Variants in PIK3C2G observed in about 807,000 individuals in gnomAD.
PIK3C2G encodes phosphatidylinositol 3-kinase C2 domain-containing subunit gamma.
PIK3C2G carries 168 observed loss-of-function variants against 181.1 expected under a neutral mutation model. The observed-to-expected ratio is 0.93, with a 90% CI of 0.82 to 1.05. The LOEUF is 1.05. Ranked by LOEUF, PIK3C2G falls within the 50% of genes least tolerant of loss-of-function variation. The pLI is 0.00. For missense variants in PIK3C2G, 1,869 were observed against 1,732.8 expected, an observed-to-expected ratio of 1.08 and a Z score of -1.40; for synonymous variants, 573 against 592.2, an observed-to-expected ratio of 0.97 and a Z score of 0.47.
At chr12:18,588,305 T>C (rs1312453912) in intron 29 of PIK3C2G, among the ~76,000 whole-genome samples, 1 of 151,840 alleles carries the variant, frequency 6.6e-6, no homozygotes, top group African/African-American at 2.4e-5. Context: ...ATTAACAGAG[T>C]AAGCAGAAAA....
At chr12:18,623,104 A>G (rs1948936553) in intron 31 of PIK3C2G, among the ~76,000 whole-genome samples, 1 of 151,800 alleles carries the variant, frequency 6.6e-6, no homozygotes, top group South Asian at 2.1e-4. Flanking sequence ...GATCAAATCT[A>G]AAAAATCATT....
At chr12:18,570,794 G>A (rs996595223) in intron 29 of PIK3C2G, among the ~76,000 whole-genome samples, 6 of 150,608 alleles carry the variant, frequency 4.0e-5, no homozygotes, top group African/African-American at 1.5e-4. Context: ...CCCATAGAGA[G>A]ATGGTCACCA....
intron 26 of PIK3C2G, among the ~76,000 whole-genome samples, chr12:18,560,442 A>G (rs547431960): frequency 6.6e-6 from 1 of 152,236 alleles, no homozygotes; most frequent in East Asian, 1.9e-4. Flanking sequence ...ATAGACCACA[A>G]TTAGGAAACC....
intron 19 of PIK3C2G, among the ~76,000 whole-genome samples, chr12:18,490,661 A>G (rs1409715518): frequency 5.3e-5 from 8 of 152,176 alleles, no homozygotes; most frequent in African/African-American, 1.9e-4. Flanking sequence ...CTTATTTCAC[A>G]TAACATAATG....
intron 10 of PIK3C2G, 99 bp from the exon 11 acceptor site, chr12:18,346,542 T>G (rs1939685358): frequency 5.9e-6 from 4 of 673,808 alleles, no homozygotes; most frequent in Non-Finnish European, 9.9e-6. Flanking sequence ...TAATTAAAAT[T>G]ATTGAAATTG....
chr12:18,441,606 C>T (rs374613993), intron 18 of PIK3C2G, among the ~76,000 whole-genome samples: 3 of 151,938 alleles, frequency 2.0e-5, no homozygotes, highest in Non-Finnish European at 2.9e-5. Flanking sequence ...CTGGAACAGG[C>T]GGGTGGGTGC....
chr12:18,671,641 T>C, the PIK3C2G span, among the ~76,000 whole-genome samples: 2 of 152,144 alleles, frequency 1.3e-5, no homozygotes, highest in African/African-American at 2.4e-5. Flanking sequence ...GGCTACTATA[T>C]TGGATATAAA....
chr12:18,313,693 T>G (rs181703102), intron 5 of PIK3C2G, among the ~76,000 whole-genome samples: 251 of 152,252 alleles, frequency 1.6e-3, no homozygotes, highest in African/African-American at 6.0e-3. Flanking sequence ...TTAATCATTT[T>G]CTAACTTATT....
chr12:18,718,395 G>A, the PIK3C2G span, among the ~76,000 whole-genome samples: 3 of 152,054 alleles, frequency 2.0e-5, no homozygotes, highest in East Asian at 5.8e-4. Context: ...CTATCTTAAG[G>A]AAAATCCTTC....
chr12:18,721,042 A>G, the PIK3C2G span, among the ~76,000 whole-genome samples: 1 of 152,206 alleles, frequency 6.6e-6, no homozygotes, highest in South Asian at 2.1e-4. Context: ...TAAATTTAGG[A>G]AGATAGAAGT....
intron 14 of PIK3C2G, among the ~76,000 whole-genome samples, chr12:18,389,959 G>GAGT (rs1208360781): frequency 1.3e-5 from 2 of 152,068 alleles, no homozygotes; most frequent in African/African-American, 4.8e-5. Flanking sequence ...TCCATATAAA[G>GAGT]AGTAGCATGT....
At chr12:18,372,262 C>T (rs1165694264) in intron 13 of PIK3C2G, among the ~76,000 whole-genome samples, 1 of 151,338 alleles carries the variant, frequency 6.6e-6, no homozygotes, top group Non-Finnish European at 1.5e-5. Flanking sequence ...ATGCTTTAGC[C>T]CATTTCTATA....
At chr12:18,658,661 A>G in the PIK3C2G span, among the ~76,000 whole-genome samples, 1 of 152,208 alleles carries the variant, frequency 6.6e-6, no homozygotes, top group African/African-American at 2.4e-5. Context: ...TACCAGTTTT[A>G]CATATATACA....
intron 18 of PIK3C2G, among the ~76,000 whole-genome samples, chr12:18,473,314 C>G (rs529256209): frequency 3.9e-5 from 6 of 152,284 alleles, no homozygotes; most frequent in South Asian, 2.1e-4. Flanking sequence ...ATTTCACATG[C>G]TTGGAAAAAC....
intron 18 of PIK3C2G, among the ~76,000 whole-genome samples, chr12:18,454,291 A>G (rs1947515146): frequency 6.6e-6 from 1 of 152,166 alleles, no homozygotes; most frequent in Non-Finnish European, 1.5e-5. Context: ...AAATCAAAAC[A>G]AGGACCTATG....
chr12:18,650,704 G>GTATATATATA (rs1361372584), downstream of PIK3C2G, among the ~76,000 whole-genome samples: 1 of 57,762 alleles, frequency 1.7e-5, no homozygotes, highest in Non-Finnish European at 4.0e-5. Flanking sequence ...GTGTGTGTGT[G>GTATATATATA]TATATATCTA....
At chr12:18,681,246 G>GTT in the PIK3C2G span, among the ~76,000 whole-genome samples, 1 of 152,008 alleles carries the variant, frequency 6.6e-6, no homozygotes, top group East Asian at 1.9e-4. Context: ...GTAAAGAAGC[G>GTT]TAAGTCAGGG....
chr12:18,708,518 T>G, the PIK3C2G span, among the ~76,000 whole-genome samples: 1 of 152,226 alleles, frequency 6.6e-6, no homozygotes, highest in Non-Finnish European at 1.5e-5. Context: ...CCTTTGGGTA[T>G]GTACCCAGAA....
chr12:18,722,602 A>G, the PIK3C2G span, among the ~76,000 whole-genome samples: 2 of 152,054 alleles, frequency 1.3e-5, no homozygotes, highest in African/African-American at 2.4e-5. Flanking sequence ...GGTACCATAT[A>G]TGATTATTTT....
Sources: allele counts gnomAD v4.1 joint callset (sites outside exome capture counted in the v4.1 genomes callset), GRCh38; gene constraint gnomAD v4.1.1; transcripts MANE v1.5; gene names NCBI Gene and HGNC (gene_info 2026-07-23, HGNC 2026-07-21).